The following ZNF181 variants were observed in gnomAD, a reference collection of about 807,000 sequenced individuals.
ZNF181 encodes zinc finger protein 181 (HHZ181).
A neutral mutation model predicts 11.9 loss-of-function variants in ZNF181; 8 were observed. The ratio of observed to expected loss-of-function variants is 0.67; its 90% CI spans 0.39 to 1.21. The LOEUF (loss-of-function observed/expected upper bound fraction) is 1.21, where lower values mean the gene tolerates loss of function less well. ZNF181 is among the 50% of genes most tolerant of loss of function. The pLI, the probability that ZNF181 is intolerant of heterozygous loss-of-function variation, is 0.01. For missense variants in ZNF181, 542 were observed against 670.9 expected (o/e 0.81, Z 2.12); for synonymous variants, 202 against 221.1 (o/e 0.91, Z 0.77).
rs780909513 is a variant in ZNF181, at chr19:34,741,196, A to G, written c.815A>G (p.Lys272Arg). ...EKPYECRECGKTFSHGSSLTR... is the reference protein window; with the variant it reads ...EKPYECRECGRTFSHGSSLTR... ...CCCTATGAATGTCGTGAATGTGGGA[A>G]GACTTTTAGCCATGGCTCATCCCTT... Residue 272 changes from lysine (K) to arginine (R), a missense_variant, in exon 4 of 4, where the codon AAG becomes AGG. Physicochemically the swap from Lys to Arg is conservative, Grantham distance 26. Coordinates refer to ENST00000492450, the MANE Select transcript of ZNF181 (RefSeq NM_001029997.4). The G allele has an allele frequency of 1.9e-6, 3 of 1,614,110 alleles. No individual in the cohort carries two copies. The highest frequency in any genetic ancestry group is 1.1e-5 in the South Asian group (1 of 91,074).
intron 2 of ZNF181, 114 bp downstream of exon 2, chr19:34,739,382 A>G: frequency 6.4e-7 from 1 of 1,571,872 alleles, no homozygotes; most frequent in South Asian, 1.2e-5. Flanking sequence ...TCCCAAGGAA[A>G]TGTGCAGCTC....
chr19:34,735,058 T>C lies in ZNF181; in HGVS notation c.9+12T>C. On this transcript the variant is annotated intron_variant, in intron 1 of 3. Coordinates refer to ENST00000492450, the MANE Select transcript of ZNF181 (RefSeq NM_001029997.4). ...GAGTAATGCCTCAGGTAGGTCGGTG[T>C]GTCCGCAAATCTTCCTGAAACACTT... 1.3e-6 allele frequency: 2 copies of C among 1,570,838 alleles called. No individual in the cohort carries two copies. Among genetic ancestry groups the C allele is most frequent in the Non-Finnish European group, 1.7e-6 (2 of 1,157,446 alleles).
chr19:34,740,991 A>G lies in ZNF181; in HGVS notation c.610A>G (p.Asn204Asp), dbSNP rs1242971541. ...KKSVIKNEKV[N>D]GGKKLLNSNK... ...GTCAGTTATAAAAAATGAGAAAGTCAATGGTGGAAAGAAACTTTTGAATTC... is the reference window on the plus strand; with the variant it reads ...GTCAGTTATAAAAAATGAGAAAGTCGATGGTGGAAAGAAACTTTTGAATTC... Residue 204 changes from asparagine to aspartate, a missense_variant, in exon 4 of 4, where the codon AAT becomes GAT. Physicochemically the swap from Asn to Asp is conservative, Grantham distance 23. Coordinates refer to ENST00000492450, the MANE Select transcript of ZNF181 (RefSeq NM_001029997.4). 1.2e-6 allele frequency: 2 copies of G among 1,614,168 alleles called. No homozygotes were observed. Among genetic ancestry groups the G allele is most frequent in the African/African-American group, 2.7e-5 (2 of 75,064 alleles).
rs751783589 is a variant in ZNF181 at position 34,740,820 on chromosome 19, G to C, written c.439G>C (p.Glu147Gln). 6.2e-7 allele frequency: 1 copy of C among 1,614,100 alleles called. No individual in the cohort carries two copies. The highest frequency in any genetic ancestry group is 1.1e-5 in the South Asian group (1 of 91,080). Residue 147 changes from glutamate to glutamine, a missense_variant, in exon 4 of 4, where the codon GAA becomes CAA. Coordinates refer to ENST00000492450, the MANE Select transcript of ZNF181 (RefSeq NM_001029997.4). ...CAGACCAGCAATTCTCACCTCTAGAGAAAGCCCCACTGCAGACAGTGTTTA... is the reference window on the plus strand; with the variant it reads ...CAGACCAGCAATTCTCACCTCTAGACAAAGCCCCACTGCAGACAGTGTTTA... ...HFRPAILTSRESPTADSVYKY... is the reference protein window; with the variant it reads ...HFRPAILTSRQSPTADSVYKY...
Position 34,741,576 on chromosome 19 carries a change from C to A in ZNF181, c.1195C>A (p.His399Asn). Residue 399 changes from histidine to asparagine, a missense_variant, in exon 4 of 4, where the codon CAC becomes AAC. Coordinates refer to ENST00000492450, the MANE Select transcript of ZNF181 (RefSeq NM_001029997.4). ...SSHLTRHQRIHTMEKQYECNK... is the reference protein window; with the variant it reads ...SSHLTRHQRINTMEKQYECNK... ...ACACCTTACTCGACATCAAAGAATT[C>A]ACACTATGGAGAAACAATATGAATG... is the stretch of plus-strand genomic sequence containing the variant. 1 of 1,613,992 alleles carries A rather than the reference C, an allele frequency of 6.2e-7. No homozygotes were observed. Among genetic ancestry groups the A allele is most frequent in the Non-Finnish European group, 8.5e-7 (1 of 1,179,966 alleles).
chr19:34,734,742 T>C lies in ZNF181; in HGVS notation c.-296T>C, dbSNP rs897586267. Reference sequence around the variant, plus strand: ...AAGACTGAACGAGCTGATAAAGTTTTTACCATTGTTTTATGAGGATTTTAT... The same window carrying C: ...AAGACTGAACGAGCTGATAAAGTTTCTACCATTGTTTTATGAGGATTTTAT... On this transcript the variant is annotated 5_prime_UTR_variant, in exon 1 of 4. Transcript: ENST00000492450. The C allele has an allele frequency of 2.5e-5, 12 of 475,084 alleles. No homozygotes were observed. The highest frequency in any genetic ancestry group is 3.9e-5 in the African/African-American group (2 of 51,646). The allele number at this position is 475,084 out of a possible 1,614,324, so 29.4% of individuals were successfully genotyped here.
rs1038369709 is a variant in ZNF181, at chr19:34,744,062, G to A, written c.*1965G>A. On this transcript the variant is annotated 3_prime_UTR_variant, in exon 4 of 4. Coordinates refer to ENST00000492450, the MANE Select transcript of ZNF181 (RefSeq NM_001029997.4). ...AGATTTTGTTCTTTATCTCAGGTGA[G>A]AGTAGTAAGATATGTTATTTTAAAA... 1 of 152,198 alleles carries A rather than the reference G, an allele frequency of 6.6e-6. No homozygotes were observed. Among genetic ancestry groups the A allele is most frequent in the Non-Finnish European group, 1.5e-5 (1 of 68,036 alleles). 9.4% of individuals were successfully genotyped at this position (152,198 alleles called of 1,614,324 possible). A position where few individuals can be genotyped will look rare whatever the true frequency, so the allele number is the denominator to read the frequency against.
chr19:34,736,769 G>C (rs1251103161), intron 1 of ZNF181, among the ~76,000 whole-genome samples: 2 of 152,180 alleles, frequency 1.3e-5, no homozygotes, highest in Non-Finnish European at 2.9e-5. Context: ...GAGGATTGCA[G>C]CACTGGTAGA....
At chr19:34,738,330 C>T (rs1203280614) in intron 1 of ZNF181, among the ~76,000 whole-genome samples, 2 of 151,910 alleles carry the variant, frequency 1.3e-5, no homozygotes, top group African/African-American at 2.4e-5. Context: ...CAAAAAGGGG[C>T]CCAAACTCAT....
chr19:34,739,119 G>A (rs1270394927), intron 1 of ZNF181, 29 bp from the exon 2 acceptor site: 1 of 1,612,900 alleles, frequency 6.2e-7, no homozygotes, highest in African/African-American at 1.3e-5. Flanking sequence ...CTGGGCTATG[G>A]CTGAGCCTAA....
In ZNF181 at chr19:34,741,088, T is replaced by C. The variant is rs61743362; in HGVS notation, c.707T>C (p.Ile236Thr). Residue 236 changes from isoleucine (I) to threonine (T), a missense_variant, in exon 4 of 4, where the codon ATC becomes ACC. Coordinates refer to ENST00000492450, the MANE Select transcript of ZNF181 (RefSeq NM_001029997.4). ...CCCCAGACTTGTAATAGAGAGAAAA[T>C]CTATACATGCAGTGAATGTGGGAAA... The part of the protein sequence containing the change: ...TLPQTCNREK[I>T]YTCSECGKAF... 2,289 of 1,614,068 alleles carry C rather than the reference T, an allele frequency of 1.4e-3. 31 individuals carry two copies. In the African/African-American group the frequency reaches 0.026, roughly 19 times the overall value.
chr19:34,740,017 A>G (rs1284085794), intron 3 of ZNF181, among the ~76,000 whole-genome samples: 4 of 152,248 alleles, frequency 2.6e-5, no homozygotes, highest in Non-Finnish European at 5.9e-5. Flanking sequence ...AAATATGAAC[A>G]TATTAGAGGA....
At position 34,742,068 on chromosome 19, in the gene ZNF181, G is replaced by A. The variant is rs751840148; in HGVS notation, c.1687G>A (p.Glu563Lys). 1.8e-5 allele frequency: 29 copies of A among 1,575,364 alleles called. 1 individual carries two copies. In the Admixed American group the frequency reaches 3.0e-4, roughly 16 times the overall value. The change falls in exon 4 of 4, where the codon GAG (glutamate) becomes AAG (lysine). Residue 563 changes from glutamate (E) to lysine (K), a missense_variant. By Grantham distance (56) the Glu-to-Lys change is moderately conservative (BLOSUM62 1). Transcript: ENST00000492450. The part of the protein sequence containing the change: ...PLDYMNHYTC[E>K]KSYRRETV ...AGACTATATGAATCACTATACATGT[G>A]AGAAATCTTACAGAAGAGAAACTGT...
In ZNF181 at chr19:34,734,898, G is replaced by A. The variant is rs2068864480; in HGVS notation, c.-140G>A. 1.3e-6 allele frequency: 1 copy of A among 775,560 alleles called. No individual in the cohort carries two copies. Among genetic ancestry groups the A allele is most frequent in the Admixed American group, 2.6e-5 (1 of 37,924 alleles). 48.0% of individuals were successfully genotyped at this position (775,560 alleles called of 1,614,324 possible). A position where few individuals can be genotyped will look rare whatever the true frequency, so the allele number is the denominator to read the frequency against. On this transcript the variant is annotated 5_prime_UTR_variant, in exon 1 of 4. An upstream start codon of the reference 5' UTR is lost. Transcript: ENST00000492450. Reference sequence around the variant, plus strand: ...GATTACCAGTGTGCCTTTCCATTATGGTGTGTCACAGGTGCCGCAAGATAA... The same window carrying A: ...GATTACCAGTGTGCCTTTCCATTATAGTGTGTCACAGGTGCCGCAAGATAA...
Position 34,742,089 on chromosome 19 carries a change from A to T in ZNF181, c.1708A>T (p.Thr570Ser). Residue 570 changes from threonine (T) to serine (S), a missense_variant, in exon 4 of 4, where the codon ACT becomes TCT. Coordinates refer to ENST00000492450, the MANE Select transcript of ZNF181 (RefSeq NM_001029997.4). The stretch of plus-strand genomic sequence containing the variant: ...ATGTGAGAAATCTTACAGAAGAGAA[A>T]CTGTATGAAGCAGTGGTTATCATGG... The part of the protein sequence containing the change: ...YTCEKSYRRE[T>S]V The T allele has an allele frequency of 6.4e-7, 1 of 1,566,220 alleles. No individual in the cohort carries two copies. Among genetic ancestry groups the T allele is most frequent in the Non-Finnish European group, 8.6e-7 (1 of 1,158,020 alleles).
Position 34,742,804 on chromosome 19 carries a change from CT to C in ZNF181, c.*708del, listed in dbSNP as rs1464418211. ...AGTGTTATAATATTGAAAATTAAAG[CT>C]GCAAAAGAAATAAAGTGATGTTAAT... On this transcript the variant is annotated 3_prime_UTR_variant, in exon 4 of 4. Transcript: ENST00000492450. 3 of 152,104 alleles carry C rather than the reference CT, an allele frequency of 2.0e-5. No homozygotes were observed. The highest frequency in any genetic ancestry group is 2.4e-5 in the African/African-American group (1 of 41,412). The allele number at this position is 152,104 out of a possible 1,614,324, so 9.4% of individuals were successfully genotyped here. A position where few individuals can be genotyped will look rare whatever the true frequency, so the allele number is the denominator to read the frequency against.
intron 1 of ZNF181, among the ~76,000 whole-genome samples, chr19:34,738,233 G>T (rs1166887600): frequency 6.6e-6 from 1 of 152,202 alleles, no homozygotes; most frequent in African/African-American, 2.4e-5. Context: ...TGGAGCCTGG[G>T]AAGTCCAAGA....
intron 1 of ZNF181, among the ~76,000 whole-genome samples, chr19:34,738,533 GT>G (rs371738709): frequency 1.5e-3 from 223 of 147,020 alleles, no homozygotes; most frequent in Non-Finnish European, 2.4e-3. Context: ...TAATATAAAG[GT>G]TTTTTTTTTG....
chr19:34,739,970 T>G (rs142178153), intron 3 of ZNF181, among the ~76,000 whole-genome samples: 1 of 152,308 alleles, frequency 6.6e-6, no homozygotes, highest in African/African-American at 2.4e-5. Flanking sequence ...GTCAATTAGA[T>G]GGGAAATCAC....
Sources: gnomAD v4.1 joint callset for allele counts (sites outside exome capture counted in the v4.1 genomes callset) on GRCh38, gnomAD v4.1.1 for gene constraint, MANE v1.5 for transcripts, NCBI Gene and HGNC (gene_info 2026-07-23, HGNC 2026-07-21) for gene names.